The following CFAP161 variants were observed in gnomAD, a reference collection of about 807,000 sequenced individuals.
The protein encoded by CFAP161 is cilia and flagella associated protein 161.
Under a neutral mutation model 29.0 loss-of-function variants are expected in CFAP161, and 25 were observed. The observed-to-expected ratio is 0.86, with a 90% CI of 0.63 to 1.20. The LOEUF (loss-of-function observed/expected upper bound fraction) is 1.20, where lower values mean the gene tolerates loss of function less well. CFAP161 is among the 50% of genes most tolerant of loss of function. The probability of loss-of-function intolerance (pLI) is 0.00; values close to 1 mark genes in which losing one functional copy is unlikely to be tolerated. For synonymous variants in CFAP161, 116 were observed against 137.4 expected (o/e 0.84, Z 1.09); for missense variants, 367 against 371.9 (o/e 0.99, Z 0.11).
intron 1 of CFAP161, chr15:81,127,578 T>C (rs1346221750): frequency 1.3e-5 from 2 of 152,210 alleles, no homozygotes; most frequent in East Asian, 3.8e-4. Context: ...TGTTTTTTCT[T>C]TTTTTATTAA....
At chr15:81,129,637 G>A (rs116352543), upstream of CFAP161, among the ~76,000 whole-genome samples, 1,347 of 152,264 alleles carry the variant, frequency 8.8e-3, 21 homozygotes, top group African/African-American at 0.028. Flanking sequence ...TGGTGACACA[G>A]CCAAACCATA....
intron 5 of CFAP161, among the ~76,000 whole-genome samples, chr15:81,146,926 A>T (rs1166154212): frequency 7.2e-6 from 1 of 139,328 alleles, no homozygotes; most frequent in African/African-American, 2.8e-5. Context: ...CCACAAGGAA[A>T]TTCCTTGTGG....
At chr15:81,118,949 C>A (rs1056949794) in intron 1 of CFAP161, among the ~76,000 whole-genome samples, 1 of 152,052 alleles carries the variant, frequency 6.6e-6, no homozygotes, top group Non-Finnish European at 1.5e-5. Flanking sequence ...AGTAAAGAAC[C>A]AATAAGGTTT....
intron 1 of CFAP161, among the ~76,000 whole-genome samples, chr15:81,109,353 A>G: frequency 6.6e-6 from 1 of 152,218 alleles, no homozygotes; most frequent in Non-Finnish European, 1.5e-5. Context: ...GCAGTTCTTC[A>G]AAGAAATGCT....
rs766246784 is a variant in CFAP161 at position 81,143,630 on chromosome 15, G to C, written c.478-32G>C. On this transcript the variant is annotated intron_variant, in intron 4 of 6. Transcript: ENST00000286732. Reference sequence around the variant, plus strand: ...ATTCTCCAGCTTTTCACAGAGCTCTGACTTAGTGCATCTGCTTGCTGTCAT... The same window carrying C: ...ATTCTCCAGCTTTTCACAGAGCTCTCACTTAGTGCATCTGCTTGCTGTCAT... 2.5e-6 allele frequency: 4 copies of C among 1,598,828 alleles called. No individual in the cohort carries two copies. In the Admixed American group the frequency reaches 6.7e-5, roughly 27 times the overall value.
intron 1 of CFAP161, among the ~76,000 whole-genome samples, chr15:81,111,913 G>A (rs1364832225): frequency 6.6e-6 from 1 of 152,214 alleles, no homozygotes; most frequent in African/African-American, 2.4e-5. Flanking sequence ...CTTAGGAAGT[G>A]TTGTATGGAT....
chr15:81,136,816 TGGG>T (rs1894819781), intron 3 of CFAP161, 68 bp downstream of exon 3: 2 of 1,370,846 alleles, frequency 1.5e-6, no homozygotes, highest in African/African-American at 2.9e-5. Flanking sequence ...TAAAGATTCC[TGGG>T]TATTGGAGCC....
chr15:81,133,238 A>T (rs1228245315), upstream of CFAP161, among the ~76,000 whole-genome samples: 105 of 105,378 alleles, frequency 1.0e-3, no homozygotes, highest in Middle Eastern at 6.1e-3. Flanking sequence ...TTTTTTTTTA[A>T]ATTGGAGATG....
intron 1 of CFAP161, among the ~76,000 whole-genome samples, chr15:81,101,623 G>A (rs1443236975): frequency 4.0e-5 from 6 of 151,580 alleles, no homozygotes; most frequent in Admixed American, 3.3e-4. Flanking sequence ...TTATAGTAGG[G>A]AGCATGCAGG....
intron 1 of CFAP161, among the ~76,000 whole-genome samples, chr15:81,109,665 T>TG (rs1430025724): frequency 6.6e-6 from 1 of 152,164 alleles, no homozygotes; most frequent in Non-Finnish European, 1.5e-5. Context: ...GATTGCACCA[T>TG]GGCACCCCAA....
chr15:81,146,631 A>C (rs950979297), intron 5 of CFAP161, among the ~76,000 whole-genome samples: 5 of 151,514 alleles, frequency 3.3e-5, no homozygotes, highest in African/African-American at 1.2e-4. Context: ...GTCATGTGTC[A>C]CTCAATGATG....
In CFAP161 at chr15:81,136,558, G is replaced by C; in HGVS notation, c.202G>C (p.Asp68His). The C allele has an allele frequency of 6.2e-7, 1 of 1,614,190 alleles. No individual in the cohort carries two copies. Among genetic ancestry groups the C allele is most frequent in the South Asian group, 1.1e-5 (1 of 91,072 alleles). ...VTEDGYIHYG[D>H]KVMLVNPDDP... ...TGAAGATGGCTATATTCATTACGGTGACAAAGTGATGCTTGTGAATCCTGA... is the reference window on the plus strand; with the variant it reads ...TGAAGATGGCTATATTCATTACGGTCACAAAGTGATGCTTGTGAATCCTGA... Residue 68 changes from aspartate (D) to histidine (H), a missense_variant, in exon 3 of 7, where the codon GAC (aspartate) becomes CAC (histidine). By Grantham distance (81) the Asp-to-His change is moderately conservative. Transcript: ENST00000286732.
intron 1 of CFAP161, among the ~76,000 whole-genome samples, chr15:81,109,946 C>T (rs1894420440): frequency 6.6e-6 from 1 of 152,144 alleles, no homozygotes; most frequent in Non-Finnish European, 1.5e-5. Flanking sequence ...TTTCATAAAG[C>T]ATCAGTGATT....
At position 81,134,311 on chromosome 15, in the gene CFAP161, T is replaced by G; in HGVS notation, c.-19T>G. On this transcript the variant is annotated 5_prime_UTR_variant, in exon 1 of 7. Transcript: ENST00000286732. ...GCATGGTGTCGGAGGGAGGCCCACT[T>G]GCTGAACAGCAGGGAGCGATGGCGC... 1 of 1,577,228 alleles carries G rather than the reference T, an allele frequency of 6.3e-7. No homozygotes were observed. The highest frequency in any genetic ancestry group is 8.6e-7 in the Non-Finnish European group (1 of 1,161,702).
At chr15:81,141,871 G>A (rs912717483) in intron 4 of CFAP161, among the ~76,000 whole-genome samples, 4 of 152,086 alleles carry the variant, frequency 2.6e-5, no homozygotes, top group African/African-American at 9.7e-5. Flanking sequence ...TTTTAGTAGA[G>A]ACAGGGTTTC....
At chr15:81,112,681 C>T (rs1894452922) in intron 1 of CFAP161, among the ~76,000 whole-genome samples, 1 of 152,018 alleles carries the variant, frequency 6.6e-6, no homozygotes, top group East Asian at 1.9e-4. Context: ...TATAGGTTTA[C>T]AAGTGCTTAT....
intron 2 of CFAP161, among the ~76,000 whole-genome samples, chr15:81,128,764 C>T (rs181644980): frequency 6.6e-6 from 1 of 152,078 alleles, no homozygotes; most frequent in East Asian, 1.9e-4. Context: ...TTTACTTCAC[C>T]CAGATTCATC....
intron 1 of CFAP161, among the ~76,000 whole-genome samples, chr15:81,120,071 A>G (rs1317439498): frequency 6.6e-6 from 1 of 152,178 alleles, no homozygotes; most frequent in Non-Finnish European, 1.5e-5. Flanking sequence ...AAGACAAGGC[A>G]GGTATTATCT....
At chr15:81,144,938 G>A (rs1894981680) in intron 5 of CFAP161, among the ~76,000 whole-genome samples, 1 of 152,144 alleles carries the variant, frequency 6.6e-6, no homozygotes. Flanking sequence ...GGGACCCATG[G>A]GACTGGAACC....
Sources: gnomAD v4.1 joint callset for allele counts (sites outside exome capture counted in the v4.1 genomes callset) on GRCh38, gnomAD v4.1.1 for gene constraint, MANE v1.5 for transcripts, NCBI Gene and HGNC (gene_info 2026-07-23, HGNC 2026-07-21) for gene names.